CLIC6: variants seen among roughly 807,000 people sequenced by gnomAD.
The protein encoded by CLIC6 is chloride intracellular channel protein 6.
CLIC6 carries 39 observed loss-of-function variants against 49.2 expected under a neutral mutation model. The observed-to-expected ratio is 0.79, with a 90% CI of 0.61 to 1.04. The LOEUF is 1.04. CLIC6 is among the 50% of genes least tolerant of loss of function. The probability of loss-of-function intolerance (pLI) is 0.00; values close to 1 mark genes in which losing one functional copy is unlikely to be tolerated. For missense variants in CLIC6, 988 were observed against 993.1 expected, an observed-to-expected ratio of 0.99 and a Z score of 0.07; for synonymous variants, 446 against 433.4, an observed-to-expected ratio of 1.03 and a Z score of -0.36.
At position 34,716,632 on chromosome 21, in the gene CLIC6, T is replaced by C. The variant is rs2056086958; in HGVS notation, c.*150T>C. On this transcript the variant is annotated 3_prime_UTR_variant, in exon 6 of 6. Coordinates refer to ENST00000349499, the MANE Select transcript of CLIC6 (RefSeq NM_053277.3). ...TTTTAAATCATTGAGAGCCTGTTTTTCTTCTCTAAAACATTAGTTTAATTT... is the reference window on the plus strand; with the variant it reads ...TTTTAAATCATTGAGAGCCTGTTTTCCTTCTCTAAAACATTAGTTTAATTT... 9.3e-6 allele frequency: 5 copies of C among 537,896 alleles called. No homozygotes were observed. The South Asian group carries it at 1.6e-4, about 17-fold the overall frequency. 33.3% of individuals were successfully genotyped at this position (537,896 alleles called of 1,614,324 possible).
intron 1 of CLIC6, among the ~76,000 whole-genome samples, chr21:34,679,199 C>A (rs1428133306): frequency 6.6e-6 from 1 of 152,164 alleles, no homozygotes; most frequent in Non-Finnish European, 1.5e-5. Context: ...AGGAAACTCA[C>A]AATCACGGCA....
At chr21:34,707,865 G>A (rs2056026420) in intron 2 of CLIC6, 79 bp from the exon 3 acceptor site, 2 of 1,510,226 alleles carry the variant, frequency 1.3e-6, no homozygotes. Flanking sequence ...TCTTAAACTG[G>A]TGAGGACGCG....
intron 1 of CLIC6, among the ~76,000 whole-genome samples, chr21:34,705,681 A>G (rs953077413): frequency 6.6e-6 from 1 of 152,200 alleles, no homozygotes; most frequent in African/African-American, 2.4e-5. Context: ...GCCCCTTCAT[A>G]TGCAGTAAGG....
chr21:34,714,894 A>G (rs986507515), intron 5 of CLIC6, among the ~76,000 whole-genome samples: 12 of 152,234 alleles, frequency 7.9e-5, no homozygotes, highest in Non-Finnish European at 1.5e-5. Context: ...TGTACTCAGG[A>G]ATGTTAAAAT....
rs375778168 is a variant in CLIC6 at position 34,716,509 on chromosome 21, T to G, written c.*27T>G. The G allele has an allele frequency of 3.7e-5, 58 of 1,585,194 alleles. No individual in the cohort carries two copies. The highest frequency in any genetic ancestry group is 1.1e-4 in the Admixed American group (6 of 56,806). On this transcript the variant is annotated 3_prime_UTR_variant, in exon 6 of 6. Coordinates refer to ENST00000349499, the MANE Select transcript of CLIC6 (RefSeq NM_053277.3). Reference sequence around the variant, plus strand: ...GCTGGGCTGTTTTCTGTCTTATTTCTCAGTTGAGTGAGCAAGGATACGAAA... The same window carrying G: ...GCTGGGCTGTTTTCTGTCTTATTTCGCAGTTGAGTGAGCAAGGATACGAAA...
chr21:34,706,318 G>A (rs917240213), intron 1 of CLIC6, among the ~76,000 whole-genome samples: 3 of 152,086 alleles, frequency 2.0e-5, no homozygotes, highest in Admixed American at 6.6e-5. Context: ...ACTGACTATC[G>A]AAAGGGCAGC....
chr21:34,707,139 T>A (rs1351003532), intron 1 of CLIC6, 141 bp from the exon 2 acceptor site: 1 of 683,760 alleles, frequency 1.5e-6, no homozygotes, highest in African/African-American at 1.8e-5. Flanking sequence ...ACATTGAGGC[T>A]GGTAAAATGG....
chr21:34,707,844 A>C, intron 2 of CLIC6, 100 bp from the exon 3 acceptor site: 42 of 1,290,586 alleles, frequency 3.3e-5, no homozygotes, highest in Non-Finnish European at 4.4e-5. Flanking sequence ...GCAGTTCTCA[A>C]GAGTTGCTTC....
intron 1 of CLIC6, chr21:34,705,883 T>A (rs895911289): frequency 2.2e-6 from 1 of 451,668 alleles, no homozygotes; most frequent in Non-Finnish European, 4.0e-6. Flanking sequence ...TCTCACAGCA[T>A]GGTTTCTGAC....
At chr21:34,704,296 A>G (rs984049595) in intron 1 of CLIC6, among the ~76,000 whole-genome samples, 2 of 152,226 alleles carry the variant, frequency 1.3e-5, no homozygotes, top group African/African-American at 4.8e-5. Context: ...TGGCACATCC[A>G]GGCCCTGAAG....
Position 34,707,396 on chromosome 21 carries a change from C to T in CLIC6, c.1484+7C>T, listed in dbSNP as rs753689366. On this transcript the variant is annotated splice_region_variant and intron_variant, in intron 2 of 5. Coordinates refer to ENST00000349499, the MANE Select transcript of CLIC6 (RefSeq NM_053277.3). The stretch of plus-strand genomic sequence containing the variant: ...CCACAGTGGACCTGAAAAGGTAAGA[C>T]AAGGCGTCTGCCTTACTGAAATAAC... The T allele has an allele frequency of 4.5e-6, 7 of 1,551,382 alleles. No individual in the cohort carries two copies. The highest frequency in any genetic ancestry group is 4.1e-5 in the African/African-American group (3 of 73,398).
chr21:34,705,852 A>G lies in CLIC6; in HGVS notation c.1375-1428A>G, dbSNP rs1057208328. ...TAGCATCAGCCTTATCTCTTGCCCG[A>G]GATTGGACTAAGGCTGAACTTCTCA... On this transcript the variant is annotated intron_variant, in intron 1 of 5. Transcript: ENST00000349499. 2.0e-5 allele frequency among the ~76,000 whole-genome samples: 3 copies of G among 152,116 alleles called. No individual in the cohort carries two copies. The East Asian group carries it at 5.8e-4, about 29-fold the overall frequency.
intron 1 of CLIC6, among the ~76,000 whole-genome samples, chr21:34,682,863 G>A (rs1989806331): frequency 7.9e-6 from 1 of 126,052 alleles, no homozygotes; most frequent in Admixed American, 9.4e-5. Context: ...CCAGGTTGGA[G>A]TGCGGTGGCG....
rs1304250194 is a variant in CLIC6 at position 34,669,185 on chromosome 21, C to T, written c.-204C>T. 6.6e-6 allele frequency among the ~76,000 whole-genome samples: 1 copy of T among 152,238 alleles called. No individual in the cohort carries two copies. The highest frequency in any genetic ancestry group is 1.5e-5 in the Non-Finnish European group (1 of 68,040). ...GGGAGTTTCAGCTGGGCAGAAGGGG[C>T]GCAGAGGCTTGGGGCCAAGCGGAGT... On this transcript the variant is annotated 5_prime_UTR_variant, in exon 1 of 6. Coordinates refer to ENST00000349499, the MANE Select transcript of CLIC6 (RefSeq NM_053277.3).
At position 34,716,601 on chromosome 21, in the gene CLIC6, A is replaced by C; in HGVS notation, c.*119A>C. The C allele has an allele frequency of 1.4e-6, 1 of 712,364 alleles. No individual in the cohort carries two copies. The highest frequency in any genetic ancestry group is 2.2e-6 in the Non-Finnish European group (1 of 463,240). The allele number at this position is 712,364 out of a possible 1,614,324, so 44.1% of individuals were successfully genotyped here. A position where few individuals can be genotyped will look rare whatever the true frequency, so the allele number is the denominator to read the frequency against. On this transcript the variant is annotated 3_prime_UTR_variant, in exon 6 of 6. Coordinates refer to ENST00000349499, the MANE Select transcript of CLIC6 (RefSeq NM_053277.3). Reference sequence around the variant, plus strand: ...TCAATTTTTAAAAAACTGGTCTCTGAGAGTTTTTTAAATCATTGAGAGCCT... The same window carrying C: ...TCAATTTTTAAAAAACTGGTCTCTGCGAGTTTTTTAAATCATTGAGAGCCT...
In CLIC6 at chr21:34,669,106, G is replaced by A. The variant is rs929963681; in HGVS notation, c.-283G>A. 1.3e-5 allele frequency among the ~76,000 whole-genome samples: 2 copies of A among 152,264 alleles called. No individual in the cohort carries two copies. Among genetic ancestry groups the A allele is most frequent in the African/African-American group, 4.8e-5 (2 of 41,472 alleles). On this transcript the variant is annotated 5_prime_UTR_variant, in exon 1 of 6. It adds an upstream start codon to the 5' untranslated region. Coordinates refer to ENST00000349499, the MANE Select transcript of CLIC6 (RefSeq NM_053277.3). The stretch of plus-strand genomic sequence containing the variant: ...GCCCGCGGGCGAGATTGGGGTCCCG[G>A]TGGGAAGCAGACGCGCAATCGGGGA...
rs1989514591 is a variant in CLIC6, at chr21:34,670,093, G to T, written c.705G>T (p.Pro235=). 1 of 1,390,760 alleles carries T rather than the reference G, an allele frequency of 7.2e-7. No homozygotes were observed. Among genetic ancestry groups the T allele is most frequent in the Non-Finnish European group, 9.3e-7 (1 of 1,080,968 alleles). The allele number at this position is 1,390,760 out of a possible 1,614,324, so 86.2% of individuals were successfully genotyped here. A position where few individuals can be genotyped will look rare whatever the true frequency, so the allele number is the denominator to read the frequency against. Residue 235 remains proline (P), a synonymous_variant, in exon 1 of 6, where the codon CCG becomes CCT. Coordinates refer to ENST00000349499, the MANE Select transcript of CLIC6 (RefSeq NM_053277.3). ...GGGACAGCGTAGACGCGGAAGGTCC[G>T]GCGGGGGACAGCGTAGACGCGGAGG... The part of the protein sequence containing the change: ...RVGDSVDAEG[P]AGDSVDAEGR...
At position 34,716,472 on chromosome 21, in the gene CLIC6, G is replaced by T; in HGVS notation, c.2051G>T (p.Arg684Ile). The change falls in exon 6 of 6, where the codon AGA becomes ATA. Residue 684 changes from arginine to isoleucine, a missense_variant. Arg to Ile is a moderately conservative substitution (Grantham distance 97). Coordinates refer to ENST00000349499, the MANE Select transcript of CLIC6 (RefSeq NM_053277.3). ...IEHAYSDVAK[R>I]MK ...CACGCATATTCAGATGTTGCAAAAA[G>T]AATGAAATGAAGCTGGGCTGTTTTC... 2 of 1,609,370 alleles carry T rather than the reference G, an allele frequency of 1.2e-6. No individual in the cohort carries two copies. Among genetic ancestry groups the T allele is most frequent in the Non-Finnish European group, 1.7e-6 (2 of 1,178,156 alleles).
intron 1 of CLIC6, among the ~76,000 whole-genome samples, chr21:34,703,642 G>A (rs1031928206): frequency 2.6e-5 from 4 of 152,040 alleles, no homozygotes; most frequent in African/African-American, 9.7e-5. Context: ...AAAAGAGCCG[G>A]CAGGAGAGTC....
Sources: allele counts gnomAD v4.1 joint callset (sites outside exome capture counted in the v4.1 genomes callset), GRCh38; gene constraint gnomAD v4.1.1; transcripts MANE v1.5; gene names NCBI Gene and HGNC (gene_info 2026-07-23, HGNC 2026-07-21).